The following PPARGC1A variants were observed in gnomAD, a reference collection of about 807,000 sequenced individuals.
PPARGC1A encodes the protein PPARG coactivator 1 alpha.
A neutral mutation model predicts 88.7 loss-of-function variants in PPARGC1A; 25 were observed. The ratio of observed to expected loss-of-function variants is 0.28; its 90% CI spans 0.21 to 0.39. The LOEUF (loss-of-function observed/expected upper bound fraction) is 0.39. Ranked by LOEUF, PPARGC1A falls within the 10% of genes least tolerant of loss-of-function variation. The pLI is 1.00. For synonymous variants in PPARGC1A, 363 were observed against 355.6 expected (o/e 1.02, Z -0.24); for missense variants, 880 against 968.7 (o/e 0.91, Z 1.22).
the PPARGC1A span, among the ~76,000 whole-genome samples, chr4:23,941,699 G>A: frequency 3.9e-5 from 6 of 152,064 alleles, no homozygotes; most frequent in Non-Finnish European, 8.8e-5. Context: ...CAGGGGTCAT[G>A]AACAGTCCTA....
At chr4:24,423,551 T>TG in the PPARGC1A span, among the ~76,000 whole-genome samples, 31 of 134,608 alleles carry the variant, frequency 2.3e-4, no homozygotes, top group Admixed American at 1.5e-3. Flanking sequence ...GTTGGGGGGC[T>TG]GGGGGGGTGT....
At chr4:24,392,363 G>C in the PPARGC1A span, among the ~76,000 whole-genome samples, 13 of 152,218 alleles carry the variant, frequency 8.5e-5, no homozygotes, top group Non-Finnish European at 1.9e-4. Context: ...CAGTGCAGTA[G>C]AATCCTGAAA....
the PPARGC1A span, among the ~76,000 whole-genome samples, chr4:24,181,922 G>C: frequency 1.3e-5 from 2 of 151,736 alleles, no homozygotes; most frequent in Non-Finnish European, 1.5e-5. Flanking sequence ...TCCTGTGAAG[G>C]AACGTATCCT....
At chr4:24,017,764 A>G in the PPARGC1A span, among the ~76,000 whole-genome samples, 8 of 152,052 alleles carry the variant, frequency 5.3e-5, no homozygotes, top group African/African-American at 1.9e-4. Context: ...GGGACCCTAG[A>G]AAAAAAACTT....
the PPARGC1A span, among the ~76,000 whole-genome samples, chr4:24,039,243 C>T: frequency 6.6e-6 from 1 of 152,102 alleles, no homozygotes; most frequent in Non-Finnish European, 1.5e-5. Flanking sequence ...AACTTGTCCA[C>T]CTGCTATACA....
chr4:24,469,396 G>T, the PPARGC1A span, among the ~76,000 whole-genome samples: 18 of 152,160 alleles, frequency 1.2e-4, no homozygotes, highest in Admixed American at 3.9e-4. Flanking sequence ...GCAAATCCTG[G>T]TAAGATTCAC....
the PPARGC1A span, among the ~76,000 whole-genome samples, chr4:24,272,255 T>A: frequency 9.8e-5 from 15 of 152,348 alleles, no homozygotes; most frequent in African/African-American, 3.4e-4. Flanking sequence ...TAATTCATAG[T>A]ACCTTAGGAT....
chr4:24,098,301 A>G, the PPARGC1A span, among the ~76,000 whole-genome samples: 2 of 152,302 alleles, frequency 1.3e-5, no homozygotes, highest in South Asian at 4.1e-4. Flanking sequence ...TATTTAGAGA[A>G]AAGGCCTTGG....
At chr4:24,126,594 C>T in the PPARGC1A span, among the ~76,000 whole-genome samples, 7 of 152,048 alleles carry the variant, frequency 4.6e-5, no homozygotes, top group Admixed American at 3.9e-4. Context: ...TTTCCCCCTG[C>T]CTAAAGATGA....
At chr4:24,307,984 T>C in the PPARGC1A span, among the ~76,000 whole-genome samples, 1 of 152,012 alleles carries the variant, frequency 6.6e-6, no homozygotes, top group Non-Finnish European at 1.5e-5. Context: ...CTCAGGAAAT[T>C]TAAGTTTTAA....
chr4:24,305,799 C>T, the PPARGC1A span, among the ~76,000 whole-genome samples: 15 of 152,118 alleles, frequency 9.9e-5, no homozygotes, highest in South Asian at 2.1e-4. Context: ...GCAACAAGAG[C>T]GAAACTACAT....
chr4:24,004,233 C>T, the PPARGC1A span, among the ~76,000 whole-genome samples: 3 of 152,158 alleles, frequency 2.0e-5, no homozygotes, highest in African/African-American at 7.2e-5. Flanking sequence ...TTTCAGAATT[C>T]TGCCACCTAA....
the PPARGC1A span, among the ~76,000 whole-genome samples, chr4:24,219,939 T>C: frequency 2.6e-5 from 4 of 152,104 alleles, no homozygotes; most frequent in African/African-American, 9.7e-5. Flanking sequence ...ATTTTAGACA[T>C]AAAGTTTGAG....
chr4:23,805,527 C>G (rs1719639271), intron 10 of PPARGC1A, among the ~76,000 whole-genome samples: 1 of 152,162 alleles, frequency 6.6e-6, no homozygotes, highest in South Asian at 2.1e-4. Flanking sequence ...GATTGTGCCA[C>G]TTCAGAGCAC....
the PPARGC1A span, among the ~76,000 whole-genome samples, chr4:24,406,304 C>A: frequency 6.6e-6 from 1 of 152,196 alleles, no homozygotes; most frequent in East Asian, 1.9e-4. Flanking sequence ...CATCACCTAC[C>A]CCCAAGTGAA....
chr4:23,895,110 T>A (rs1469968295), intron 1 of PPARGC1A, among the ~76,000 whole-genome samples: 4 of 144,242 alleles, frequency 2.8e-5, no homozygotes, highest in Non-Finnish European at 6.0e-5. Context: ...TCACACTAGC[T>A]GAACTTAGTA....
At chr4:24,245,757 C>T in the PPARGC1A span, among the ~76,000 whole-genome samples, 9 of 152,148 alleles carry the variant, frequency 5.9e-5, no homozygotes, top group Admixed American at 1.3e-4. Flanking sequence ...GAGTTGAATA[C>T]AAGAAAAGAA....
At chr4:24,393,557 G>A in the PPARGC1A span, among the ~76,000 whole-genome samples, 1 of 152,206 alleles carries the variant, frequency 6.6e-6, no homozygotes, top group African/African-American at 2.4e-5. Flanking sequence ...AGGGATCAGG[G>A]AAGACTTCAT....
At chr4:24,123,012 A>AGTGT in the PPARGC1A span, among the ~76,000 whole-genome samples, 2 of 151,166 alleles carry the variant, frequency 1.3e-5, no homozygotes, top group East Asian at 3.9e-4. Flanking sequence ...AGTTCTGTTG[A>AGTGT]GTGTGTGTGT....
Sources: gnomAD v4.1 joint callset for allele counts (sites outside exome capture counted in the v4.1 genomes callset) on GRCh38, gnomAD v4.1.1 for gene constraint, MANE v1.5 for transcripts, NCBI Gene and HGNC (gene_info 2026-07-23, HGNC 2026-07-21) for gene names.